Variants in FUZ observed in about 807,000 individuals in gnomAD.
FUZ encodes protein fuzzy homolog.
In FUZ, 31 loss-of-function variants were observed where a neutral mutation model predicts 43.1. The ratio of observed to expected loss-of-function variants is 0.72; its 90% CI spans 0.54 to 0.97. The LOEUF is 0.97. FUZ is among the 50% of genes least tolerant of loss of function. The pLI, the probability that FUZ is intolerant of heterozygous loss-of-function variation, is 0.00. For synonymous variants in FUZ, 274 were observed against 250.0 expected, an observed-to-expected ratio of 1.10 and a Z score of -0.91; for missense variants, 539 against 543.8, an observed-to-expected ratio of 0.99 and a Z score of 0.09.
At chr19:49,812,121 C>A (rs952061655) in intron 3 of FUZ, 130 bp downstream of exon 3, 80 of 755,910 alleles carry the variant, frequency 1.1e-4, no homozygotes, top group Non-Finnish European at 1.6e-4. Flanking sequence ...ACAAAACAAA[C>A]AAACAAACAA....
At chr19:49,810,548 C>T (rs1055300689) in intron 5 of FUZ, among the ~76,000 whole-genome samples, 4 of 151,438 alleles carry the variant, frequency 2.6e-5, no homozygotes, top group Non-Finnish European at 5.9e-5. Context: ...GCGTGGTGAC[C>T]AGCGCTTATA....
intron 1 of FUZ, 38 bp downstream of exon 1, chr19:49,812,958 A>C: frequency 6.6e-7 from 1 of 1,516,148 alleles, no homozygotes; most frequent in South Asian, 1.2e-5. Flanking sequence ...AAAACACCGA[A>C]CCCCCTTCGG....
At chr19:49,808,927 G>A (rs1237423707) in intron 7 of FUZ, 104 bp from the exon 8 acceptor site, 5 of 972,528 alleles carry the variant, frequency 5.1e-6, no homozygotes, top group Non-Finnish European at 7.9e-6. Flanking sequence ...GGGAGGGGCG[G>A]GGCCTGCAAG....
At position 49,813,052 on chromosome 19, in the gene FUZ, T is replaced by G. The variant is rs887531566; in HGVS notation, c.55A>C (p.Ser19Arg). 3.9e-6 allele frequency: 6 copies of G among 1,551,324 alleles called. No individual in the cohort carries two copies. Among genetic ancestry groups the G allele is most frequent in the Non-Finnish European group, 5.2e-6 (6 of 1,146,988 alleles). The part of the protein sequence containing the change: ...TVHLLCLAAS[S>R]GVPLFCRSSR... The stretch of plus-strand genomic sequence containing the variant: ...CTCCTGCAGAATAGGGGGACCCCGC[T>G]GGAGGCCGCGAGGCACAGCAGATGC... The change falls in exon 1 of 11, where the codon AGC (serine) becomes CGC (arginine). Residue 19 changes from serine to arginine, a missense_variant. Physicochemically the swap from Ser to Arg is moderately radical, Grantham distance 110. Coordinates refer to ENST00000313777, the MANE Select transcript of FUZ (RefSeq NM_025129.5).
At chr19:49,811,203 A>G (rs866861590) in intron 5 of FUZ, 160 bp downstream of exon 5, 1 of 370,366 alleles carries the variant, frequency 2.7e-6, no homozygotes, top group South Asian at 3.9e-5. Flanking sequence ...AAAGAAAAGA[A>G]AAAAAAAAAA....
In FUZ at chr19:49,811,714, T is replaced by C. The variant is rs1296525297; in HGVS notation, c.319-15A>G. 3 of 1,606,832 alleles carry C rather than the reference T, an allele frequency of 1.9e-6. No individual in the cohort carries two copies. The highest frequency in any genetic ancestry group is 1.3e-5 in the African/African-American group (1 of 74,840). ...ACAAGAAGGACCTAGAAGAATCATATAGGAGAGGATGGGCGAGGGGCTGGG... is the reference window on the plus strand; with the variant it reads ...ACAAGAAGGACCTAGAAGAATCATACAGGAGAGGATGGGCGAGGGGCTGGG... On this transcript the variant is annotated splice_polypyrimidine_tract_variant and intron_variant, in intron 3 of 10. Transcript: ENST00000313777.
At chr19:49,807,442 C>G (rs931990382) in intron 10 of FUZ, 68 bp from the exon 11 acceptor site, 5 of 1,477,574 alleles carry the variant, frequency 3.4e-6, no homozygotes, top group Admixed American at 1.9e-5. Flanking sequence ...ACACCACATC[C>G]TGATCCCAAG....
chr19:49,807,447 C>CTGAA, intron 10 of FUZ, 73 bp from the exon 11 acceptor site: 1 of 1,458,630 alleles, frequency 6.9e-7, no homozygotes, highest in Non-Finnish European at 9.4e-7. Context: ...ACATCCTGAT[C>CTGAA]CCAAGTTCTG....
In FUZ at chr19:49,811,449, C is replaced by G; in HGVS notation, c.406G>C (p.Asp136His). The change falls in exon 5 of 11, where the codon GAC (aspartate) becomes CAC (histidine). Residue 136 changes from aspartate to histidine, a missense_variant. Coordinates refer to ENST00000313777, the MANE Select transcript of FUZ (RefSeq NM_025129.5). The part of the protein sequence containing the change: ...KDLRASYCLI[D>H]SFLGDSELIG... ...AGCTCCGAGTCCCCCAGGAAGCTGT[C>G]GATGAGGCAATAACTGGCCTAGGAG... 1.9e-6 allele frequency: 3 copies of G among 1,613,966 alleles called. No individual in the cohort carries two copies. The highest frequency in any genetic ancestry group is 2.5e-6 in the Non-Finnish European group (3 of 1,179,950).
In FUZ at chr19:49,808,443, G is replaced by T. The variant is rs118120813; in HGVS notation, c.1004C>A (p.Thr335Asn). ...TGGGAAGTGCGTGGAGGTGACCAGGGTATAGAAGTTTCGGAGGAGGCGCCG... is the reference window on the plus strand; with the variant it reads ...TGGGAAGTGCGTGGAGGTGACCAGGTTATAGAAGTTTCGGAGGAGGCGCCG... ...QRRRLLRNFYTLVTSTHFPPE... is the reference protein window; with the variant it reads ...QRRRLLRNFYNLVTSTHFPPE... Residue 335 changes from threonine (T) to asparagine (N), a missense_variant, in exon 10 of 11, where the codon ACC becomes AAC. Thr to Asn is a moderately conservative substitution (Grantham distance 65). Transcript: ENST00000313777. 3.2e-4 allele frequency: 523 copies of T among 1,612,748 alleles called. No homozygotes were observed. The highest frequency in any genetic ancestry group is 4.0e-4 in the Non-Finnish European group (466 of 1,179,700).
Position 49,808,624 on chromosome 19 carries a change from TGGA to T in FUZ, c.905_907del (p.Leu302del), listed in dbSNP as rs1568599649. On this transcript the variant is annotated inframe_deletion, in exon 9 of 11. Coordinates refer to ENST00000313777, the MANE Select transcript of FUZ (RefSeq NM_025129.5). ...GAAGAGGCAGCGCTTCAGTTCCAGG[TGGA>T]GGAGCAGCAGCCTGTGGGAAAGGGA... The T allele has an allele frequency of 6.2e-7, 1 of 1,612,610 alleles. No individual in the cohort carries two copies. The highest frequency in any genetic ancestry group is 8.5e-7 in the Non-Finnish European group (1 of 1,179,578).
rs1568609630 is a variant in FUZ at position 49,812,255 on chromosome 19, G to C, written c.314C>G (p.Ala105Gly). Residue 105 changes from alanine to glycine, a missense_variant, in exon 3 of 11, where the codon GCC (alanine) becomes GGC (glycine). Coordinates refer to ENST00000313777, the MANE Select transcript of FUZ (RefSeq NM_025129.5). ...LERLLQMVFG[A>G]MVLLVGLEEL... The stretch of plus-strand genomic sequence containing the variant: ...AAGAGGACTGGTGAGTCTCACCATG[G>C]CTCCAAACACCATTTGGAGTAGTCT... 1 of 1,610,006 alleles carries C rather than the reference G, an allele frequency of 6.2e-7. No individual in the cohort carries two copies. The highest frequency in any genetic ancestry group is 1.7e-5 in the Admixed American group (1 of 59,962).
chr19:49,809,622 G>C lies in FUZ; in HGVS notation c.493-47C>G, dbSNP rs754935629. ...ACTGGGAGTCAGCAGACAAGCGTAG[G>C]GGGTGGCAGCGACTTCCCAGATGGG... On this transcript the variant is annotated intron_variant, in intron 5 of 10. Transcript: ENST00000313777. This position sits in a 1 kb window ranked among gnomAD's most constrained non-coding sequence, Gnocchi z 5.1. 17 of 1,541,470 alleles carry C rather than the reference G, an allele frequency of 1.1e-5. No individual in the cohort carries two copies. The Admixed American group carries it at 1.3e-4, about 12-fold the overall frequency.
chr19:49,811,667 A>G lies in FUZ; in HGVS notation c.351T>C (p.Asn117=). The G allele has an allele frequency of 6.2e-7, 1 of 1,614,046 alleles. No individual in the cohort carries two copies. The part of the protein sequence containing the change: ...VLLVGLEELT[N]IRNVERLKKD... ...TCTTCAGTCTCTCCACGTTGCGGAT[A>G]TTGGTCAGTTCTTCAAGTCCCACAA... The change falls in exon 4 of 11, where the codon AAT becomes AAC. Residue 117 remains asparagine (N), a synonymous_variant. Transcript: ENST00000313777.
chr19:49,809,979 G>C lies in FUZ; in HGVS notation c.493-404C>G, dbSNP rs932649343. ...TCCACAAGAGCAGTATTTAAGTAGA[G>C]GTAGCTAGAGATCTGAGAGGCAGGA... On this transcript the variant is annotated intron_variant, in intron 5 of 10. Transcript: ENST00000313777. The surrounding 1 kb of genome is among the most constrained non-coding windows in gnomAD (Gnocchi z 5.1). 1 of 334,472 alleles carries C rather than the reference G, an allele frequency of 3.0e-6. No individual in the cohort carries two copies. The highest frequency in any genetic ancestry group is 4.5e-5 in the Admixed American group (1 of 22,076). The allele number at this position is 334,472 out of a possible 1,614,324, so 20.7% of individuals were successfully genotyped here.
chr19:49,808,629 G>A lies in FUZ; in HGVS notation c.903C>T (p.Leu301=). The A allele has an allele frequency of 1.2e-6, 2 of 1,613,364 alleles. No homozygotes were observed. Among genetic ancestry groups the A allele is most frequent in the Non-Finnish European group, 1.7e-6 (2 of 1,179,718 alleles). ...GGCAGCGCTTCAGTTCCAGGTGGAG[G>A]AGCAGCAGCCTGTGGGAAAGGGAAG... ...PLHTDILGLL[L]LHLELKRCLF... The change falls in exon 9 of 11, where the codon CTC becomes CTT. Residue 301 remains leucine (L), a synonymous_variant. Coordinates refer to ENST00000313777, the MANE Select transcript of FUZ (RefSeq NM_025129.5).
Position 49,808,730 on chromosome 19 carries a change from T to G in FUZ, c.880A>C (p.Thr294Pro), listed in dbSNP as rs1321853627. The G allele has an allele frequency of 6.3e-7, 1 of 1,589,666 alleles. No individual in the cohort carries two copies. The highest frequency in any genetic ancestry group is 1.1e-5 in the South Asian group (1 of 87,978). Residue 294 changes from threonine to proline, a missense_variant, in exon 8 of 11, where the codon ACA becomes CCA. Transcript: ENST00000313777. ...TCCGAGCCCTACCCGAGGATGTCTG[T>G]GTGAAGGGGGAAGCCACTGGGCAGC... is the stretch of plus-strand genomic sequence containing the variant. ...RALPSGFPLH[T>P]DILGLLLLHL...
intron 4 of FUZ, 64 bp from the exon 5 acceptor site, chr19:49,811,531 C>T (rs764700213): frequency 1.3e-6 from 2 of 1,585,226 alleles, no homozygotes; most frequent in South Asian, 2.2e-5. Flanking sequence ...AACCAAGAAC[C>T]TGTGGGACCA....
intron 10 of FUZ, chr19:49,808,140 T>C (rs1451038754): frequency 2.8e-5 from 15 of 531,114 alleles, no homozygotes; most frequent in Non-Finnish European, 4.4e-5. Context: ...GATTTCATTC[T>C]TTCATTACGT....
Sources: allele counts gnomAD v4.1 joint callset (sites outside exome capture counted in the v4.1 genomes callset), GRCh38; gene constraint gnomAD v4.1.1; non-coding constraint Gnocchi (gnomAD v3.1); transcripts MANE v1.5; gene names NCBI Gene and HGNC (gene_info 2026-07-23, HGNC 2026-07-21).